Variants in FNDC3A observed in about 807,000 individuals in gnomAD.
FNDC3A encodes fibronectin type-III domain-containing protein 3A.
Under a neutral mutation model 148.9 loss-of-function variants are expected in FNDC3A, and 32 were observed. The observed-to-expected ratio is 0.21, with a 90% CI of 0.16 to 0.29. The LOEUF (loss-of-function observed/expected upper bound fraction) is 0.29, where lower values mean the gene tolerates loss of function less well. Among genes scored for constraint, FNDC3A ranks in the 10% least tolerant of loss-of-function variants. The pLI, the probability that FNDC3A is intolerant of heterozygous loss-of-function variation, is 1.00. For synonymous variants in FNDC3A, 472 were observed against 473.6 expected (o/e 1.00, Z 0.04); for missense variants, 1,191 against 1,452.8 (o/e 0.82, Z 2.93).
Position 49,136,325 on chromosome 13 carries a change from C to A in FNDC3A, c.491-7C>A. 1 of 1,608,150 alleles carries A rather than the reference C, an allele frequency of 6.2e-7. No homozygotes were observed. The highest frequency in any genetic ancestry group is 8.5e-7 in the Non-Finnish European group (1 of 1,176,062). Reference sequence around the variant, plus strand: ...CTTCTTAACATTTTGTTTTTATTGCCTCCTAGATGCTCACTCTACACATGG... The same window carrying A: ...CTTCTTAACATTTTGTTTTTATTGCATCCTAGATGCTCACTCTACACATGG... On this transcript the variant is annotated splice_polypyrimidine_tract_variant and splice_region_variant and intron_variant, in intron 5 of 25. Transcript: ENST00000492622.
At chr13:49,102,258 A>G in intron 3 of FNDC3A, among the ~76,000 whole-genome samples, 1 of 151,954 alleles carries the variant, frequency 6.6e-6, no homozygotes, top group Non-Finnish European at 1.5e-5. Flanking sequence ...CATATATCTT[A>G]AATCACCTTA....
At chr13:49,107,827 A>G (rs1018298553) in intron 3 of FNDC3A, among the ~76,000 whole-genome samples, 11 of 152,312 alleles carry the variant, frequency 7.2e-5, no homozygotes, top group Admixed American at 7.2e-4. Flanking sequence ...CAGCTGAGTT[A>G]AGGCTGAAGA....
chr13:49,099,564 A>C (rs1879736759), intron 3 of FNDC3A, among the ~76,000 whole-genome samples: 1 of 152,154 alleles, frequency 6.6e-6, no homozygotes. Flanking sequence ...GAATATATAA[A>C]AAATAGCTTG....
At chr13:49,112,521 A>G (rs1447252659) in intron 3 of FNDC3A, among the ~76,000 whole-genome samples, 1 of 152,134 alleles carries the variant, frequency 6.6e-6, no homozygotes, top group Non-Finnish European at 1.5e-5. Context: ...TCTTTCTCTC[A>G]TGTTTTTACG....
At chr13:49,004,008 T>C (rs989432784) in intron 1 of FNDC3A, among the ~76,000 whole-genome samples, 2 of 152,216 alleles carry the variant, frequency 1.3e-5, no homozygotes, top group Non-Finnish European at 2.9e-5. Context: ...AAATCATTGG[T>C]AGTTTGAAGT....
intron 2 of FNDC3A, among the ~76,000 whole-genome samples, chr13:49,069,656 T>G (rs757159280): frequency 2.0e-5 from 3 of 152,172 alleles, no homozygotes; most frequent in African/African-American, 2.4e-5. Flanking sequence ...AGTGCTCAGG[T>G]AACAGACTAA....
chr13:49,170,066 C>A (rs1884673955), intron 10 of FNDC3A, among the ~76,000 whole-genome samples: 1 of 152,088 alleles, frequency 6.6e-6, no homozygotes, highest in Non-Finnish European at 1.5e-5. Context: ...CTGCCTTTAA[C>A]AATATCCTAA....
At chr13:49,163,135 C>T (rs1042829068) in intron 8 of FNDC3A, among the ~76,000 whole-genome samples, 4 of 152,150 alleles carry the variant, frequency 2.6e-5, no homozygotes, top group African/African-American at 2.4e-5. Flanking sequence ...TCTCAAACTC[C>T]GTGCTGGGAG....
chr13:49,089,645 G>A (rs142338506), intron 3 of FNDC3A, among the ~76,000 whole-genome samples: 1 of 152,250 alleles, frequency 6.6e-6, no homozygotes, highest in African/African-American at 2.4e-5. Flanking sequence ...CCAGAAATGG[G>A]GACCTCAGTC....
chr13:49,007,862 A>G (rs904541167), intron 2 of FNDC3A, among the ~76,000 whole-genome samples: 3 of 152,162 alleles, frequency 2.0e-5, no homozygotes, highest in African/African-American at 7.2e-5. Context: ...TGTAGAGTAA[A>G]GCCTTGAATT....
chr13:49,203,231 C>A lies in FNDC3A; in HGVS notation c.3229C>A (p.Pro1077Thr). 1 of 1,604,754 alleles carries A rather than the reference C, an allele frequency of 6.2e-7. No individual in the cohort carries two copies. The highest frequency in any genetic ancestry group is 8.5e-7 in the Non-Finnish European group (1 of 1,171,904). ...WECLQPMKGD[P>T]VIYSLQVMLG... The stretch of plus-strand genomic sequence containing the variant: ...GTGTTTACAGCCAATGAAAGGTGAT[C>A]CAGTTATTTACAGTCTTCAAGTTAT... Residue 1077 changes from proline to threonine, a missense_variant, in exon 25 of 26, where the codon CCA (proline) becomes ACA (threonine). Transcript: ENST00000492622.
At chr13:48,989,649 A>G (rs1247237852) in intron 1 of FNDC3A, among the ~76,000 whole-genome samples, 2 of 152,252 alleles carry the variant, frequency 1.3e-5, no homozygotes, top group Non-Finnish European at 2.9e-5. Flanking sequence ...AATAATGGCT[A>G]TTTTCCAAAA....
intron 3 of FNDC3A, among the ~76,000 whole-genome samples, chr13:49,083,472 A>G (rs80153180): frequency 5.3e-5 from 8 of 152,350 alleles, no homozygotes; most frequent in African/African-American, 1.9e-4. Context: ...ATGGTGGTGT[A>G]TGCTGGTTAG....
chr13:49,207,195 C>T lies in FNDC3A; in HGVS notation c.3397C>T (p.Leu1133Phe). The change falls in exon 26 of 26, where the codon CTC becomes TTC. Residue 1133 changes from leucine (L) to phenylalanine (F), a missense_variant. By Grantham distance (22) the Leu-to-Phe change is conservative (BLOSUM62 0). Transcript: ENST00000492622. ...QCQDSLGHQD[L>F]VGPYSTTVLF... ...CCAAGACTCTCTGGGACACCAGGAC[C>T]TCGTAGGTCCCTACAGCACCACAGT... 6.2e-7 allele frequency: 1 copy of T among 1,614,156 alleles called. No homozygotes were observed.
At chr13:49,007,848 G>A (rs1001327587) in intron 2 of FNDC3A, among the ~76,000 whole-genome samples, 1 of 152,176 alleles carries the variant, frequency 6.6e-6, no homozygotes, top group African/African-American at 2.4e-5. Flanking sequence ...CAGATTTCAG[G>A]AAGTGTAGAG....
At chr13:49,020,543 A>G (rs1436956994) in intron 2 of FNDC3A, among the ~76,000 whole-genome samples, 2 of 152,256 alleles carry the variant, frequency 1.3e-5, no homozygotes, top group Admixed American at 6.5e-5. Flanking sequence ...TGTGCGCCAC[A>G]TAGTCTTCAC....
intron 2 of FNDC3A, among the ~76,000 whole-genome samples, chr13:49,041,904 G>C (rs1345938672): frequency 1.3e-5 from 2 of 151,946 alleles, no homozygotes; most frequent in Non-Finnish European, 2.9e-5. Context: ...GAAGTGTTTG[G>C]TTTCATAGTG....
chr13:48,979,558 T>A (rs181600677), intron 1 of FNDC3A, among the ~76,000 whole-genome samples: 172 of 152,244 alleles, frequency 1.1e-3, no homozygotes, highest in African/African-American at 3.6e-3. Context: ...GTCGAGATGT[T>A]AGCTTAAGCA....
chr13:48,996,208 A>G (rs1014843238), intron 1 of FNDC3A, among the ~76,000 whole-genome samples: 1 of 152,200 alleles, frequency 6.6e-6, no homozygotes, highest in Non-Finnish European at 1.5e-5. Flanking sequence ...TGAGAAATAG[A>G]AACAGTTACA....
Sources: gnomAD v4.1 joint callset for allele counts (sites outside exome capture counted in the v4.1 genomes callset) on GRCh38, gnomAD v4.1.1 for gene constraint, MANE v1.5 for transcripts, NCBI Gene and HGNC (gene_info 2026-07-23, HGNC 2026-07-21) for gene names.